The following PTRH1 variants were observed in gnomAD, a reference collection of about 807,000 sequenced individuals.
The protein encoded by PTRH1 is peptidyl-tRNA hydrolase 1 homolog, also known as peptidyl-tRNA hydrolase.
Under a neutral mutation model 15.7 loss-of-function variants are expected in PTRH1, and 13 were observed. That is an observed-to-expected ratio of 0.83 (90% CI 0.54 to 1.31). The LOEUF (loss-of-function observed/expected upper bound fraction) is 1.31, where lower values mean the gene tolerates loss of function less well. PTRH1 is among the 40% of genes most tolerant of loss of function. PTRH1 has a pLI of 0.00. For missense variants in PTRH1, 319 were observed against 296.2 expected, an observed-to-expected ratio of 1.08 and a Z score of -0.56; for synonymous variants, 139 against 136.7, an observed-to-expected ratio of 1.02 and a Z score of -0.12.
At chr9:127,704,129 G>A (rs1169393014) in intron 1 of PTRH1, among the ~76,000 whole-genome samples, 1 of 152,194 alleles carries the variant, frequency 6.6e-6, no homozygotes, top group Non-Finnish European at 1.5e-5. Context: ...GAGAAATGGT[G>A]TTTTTCTAAC....
In PTRH1 at chr9:127,705,777, C is replaced by T. The variant is rs187931197; in HGVS notation, c.205+9658G>A. Among the ~76,000 whole-genome samples the T allele has an allele frequency of 3.8e-4, 58 of 152,350 alleles. 1 individual carries two copies. The highest frequency in any genetic ancestry group is 2.7e-3 in the Admixed American group (42 of 15,310). Reference sequence around the variant, plus strand: ...GCTGGAAGGGCACTGGGCCAGGCCTCCCCGCTCTCCCCACAAGGCCTGGGC... The same window carrying T: ...GCTGGAAGGGCACTGGGCCAGGCCTTCCCGCTCTCCCCACAAGGCCTGGGC... On this transcript the variant is annotated intron_variant, in intron 1 of 2. Coordinates refer to the PTRH1 transcript ENST00000335223. This position sits in a 1 kb window ranked among gnomAD's most constrained non-coding sequence, Gnocchi z 4.7.
At chr9:127,712,143 T>G (rs1588394260), downstream of PTRH1, 1 of 1,591,964 alleles carries the variant, frequency 6.3e-7, no homozygotes, top group Non-Finnish European at 8.6e-7. Context: ...TGGCCCCAGG[T>G]GGCCCCAGTC....
intron 1 of PTRH1, chr9:127,707,300 C>T (rs2131582582): frequency 8.2e-7 from 1 of 1,215,680 alleles, no homozygotes; most frequent in South Asian, 1.5e-5. Context: ...TTCTGACCTC[C>T]CCTGGGATGT....
In PTRH1 at chr9:127,714,085, C is replaced by A; in HGVS notation, c.*15G>T. Reference sequence around the variant, plus strand: ...GTGGGCACTACAGTCAGGCAGGCAGCCATGGCCACTAGTGTCACGGCCCCA... The same window carrying A: ...GTGGGCACTACAGTCAGGCAGGCAGACATGGCCACTAGTGTCACGGCCCCA... On this transcript the variant is annotated 3_prime_UTR_variant, in exon 5 of 5. Coordinates refer to ENST00000543175, the MANE Select transcript of PTRH1 (RefSeq NM_001002913.3). 1 of 1,609,314 alleles carries A rather than the reference C, an allele frequency of 6.2e-7. No individual in the cohort carries two copies. The highest frequency in any genetic ancestry group is 8.5e-7 in the Non-Finnish European group (1 of 1,178,114).
At chr9:127,712,444 G>A, downstream of PTRH1, 1 of 1,519,864 alleles carries the variant, frequency 6.6e-7, no homozygotes. Flanking sequence ...AGGATCAGAG[G>A]CCCCTCTTTT....
rs746828810 is a variant in PTRH1 at position 127,714,089 on chromosome 9, G to A, written c.*11C>T. On this transcript the variant is annotated 3_prime_UTR_variant, in exon 5 of 5. Coordinates refer to ENST00000543175, the MANE Select transcript of PTRH1 (RefSeq NM_001002913.3). ...GCACTACAGTCAGGCAGGCAGCCAT[G>A]GCCACTAGTGTCACGGCCCCAGTGA... 1.2e-6 allele frequency: 2 copies of A among 1,610,354 alleles called. No individual in the cohort carries two copies. The highest frequency in any genetic ancestry group is 2.7e-5 in the African/African-American group (2 of 74,880).
downstream of PTRH1, chr9:127,712,285 A>C (rs1190964092): frequency 3.1e-6 from 5 of 1,613,930 alleles, no homozygotes; most frequent in African/African-American, 4.0e-5. Context: ...AATGAGCAGA[A>C]GGTTCGGGCC....
At chr9:127,697,490 T>C (rs1181631142) in intron 1 of PTRH1, among the ~76,000 whole-genome samples, 1 of 151,748 alleles carries the variant, frequency 6.6e-6, no homozygotes, top group African/African-American at 2.4e-5. Flanking sequence ...TAAAACCCCA[T>C]CTCTACAAAA....
chr9:127,715,310 A>T lies in PTRH1; in HGVS notation c.97-116T>A. ...AACGCAGAGCAACGCTGCAGTGGGG[A>T]AGGGGCGCGAAGAAGGGGCCCAGAA... is the stretch of plus-strand genomic sequence containing the variant. On this transcript the variant is annotated intron_variant, in intron 1 of 4. Transcript: ENST00000543175. This position sits in a 1 kb window ranked among gnomAD's most constrained non-coding sequence, Gnocchi z 5.8. 1 of 1,323,120 alleles carries T rather than the reference A, an allele frequency of 7.6e-7. No homozygotes were observed. The highest frequency in any genetic ancestry group is 1.0e-6 in the Non-Finnish European group (1 of 952,588). 82.0% of individuals were successfully genotyped at this position (1,323,120 alleles called of 1,614,324 possible). A position where few individuals can be genotyped will look rare whatever the true frequency, so the allele number is the denominator to read the frequency against.
At chr9:127,709,821 C>T, downstream of PTRH1, 1 of 1,069,882 alleles carries the variant, frequency 9.3e-7, no homozygotes, top group Non-Finnish European at 1.3e-6. The surrounding 1 kb of genome is among the most constrained non-coding windows in gnomAD (Gnocchi z 4.7). Flanking sequence ...CCTTAATTGT[C>T]CCAGCAATCC....
At chr9:127,713,090 C>A, downstream of PTRH1, 1 of 1,613,674 alleles carries the variant, frequency 6.2e-7, no homozygotes, top group Non-Finnish European at 8.5e-7. Context: ...CCCCTACCAG[C>A]CGGGGGATCT....
At position 127,714,698 on chromosome 9, in the gene PTRH1, C is replaced by G; in HGVS notation, c.321G>C (p.Glu107Asp). The G allele has an allele frequency of 6.2e-7, 1 of 1,611,126 alleles. No individual in the cohort carries two copies. The highest frequency in any genetic ancestry group is 1.1e-5 in the South Asian group (1 of 90,514). ...ANGRSVARAA[E>D]LFGLTAEEVY... ...CTTCCTCGGCAGTCAGCCCAAACAG[C>G]TCCGCTTAGCACAGGGAAACGGCAG... The change falls in exon 3 of 5, where the codon GAG becomes GAC. Residue 107 changes from glutamate (E) to aspartate (D), a missense_variant. By Grantham distance (45) the Glu-to-Asp change is conservative. Transcript: ENST00000543175.
chr9:127,712,785 T>C, downstream of PTRH1: 3 of 1,614,188 alleles, frequency 1.9e-6, no homozygotes, highest in Non-Finnish European at 2.5e-6. Flanking sequence ...CAGCAACTGC[T>C]GGTCATGCTC....
intron 1 of PTRH1, among the ~76,000 whole-genome samples, chr9:127,699,399 C>T (rs1842587101): frequency 6.6e-6 from 1 of 152,236 alleles, no homozygotes; most frequent in Non-Finnish European, 1.5e-5. Flanking sequence ...GCGGATCAGA[C>T]GCGGCCTCGG....
downstream of PTRH1, chr9:127,712,750 C>T (rs778747226): frequency 6.2e-7 from 1 of 1,614,214 alleles, no homozygotes; most frequent in Non-Finnish European, 8.5e-7. Context: ...ACGTGACGTT[C>T]CAGCCATGGC....
chr9:127,710,572 C>G (rs1474662464), downstream of PTRH1: 1 of 1,563,420 alleles, frequency 6.4e-7, no homozygotes. Context: ...GGCAGCCCAT[C>G]ATTGGGCCTT....
chr9:127,713,819 T>A lies in PTRH1; in HGVS notation c.*281A>T. 1 of 1,613,074 alleles carries A rather than the reference T, an allele frequency of 6.2e-7. No homozygotes were observed. The highest frequency in any genetic ancestry group is 8.5e-7 in the Non-Finnish European group (1 of 1,179,378). Reference sequence around the variant, plus strand: ...ACTGCACCCGGCCTCCAAGCCAGCATCTTTAATCTTACAGATGCGTGCCCC... The same window carrying A: ...ACTGCACCCGGCCTCCAAGCCAGCAACTTTAATCTTACAGATGCGTGCCCC... On this transcript the variant is annotated 3_prime_UTR_variant, in exon 5 of 5. Transcript: ENST00000543175.
In PTRH1 at chr9:127,694,973, TG is replaced by T; in HGVS notation, c.373del (p.His125ThrfsTer14). On this transcript the variant is annotated frameshift_variant, in exon 2 of 3. Transcript: ENST00000335223. LOFTEE classifies it low-confidence loss of function (END_TRUNC). Reference sequence around the variant, plus strand: ...CCTCTTTCCACATGATCCTGACAGGTGACTTTGTTCCCTCCTGTAGTGCCCG... The same window carrying T: ...CCTCTTTCCACATGATCCTGACAGGTACTTTGTTCCCTCCTGTAGTGCCCG... 1.4e-6 allele frequency: 1 copy of T among 702,504 alleles called. No homozygotes were observed. The highest frequency in any genetic ancestry group is 2.6e-6 in the Non-Finnish European group (1 of 384,778). 43.5% of individuals were successfully genotyped at this position (702,504 alleles called of 1,614,324 possible).
rs1372770244 is a variant in PTRH1, at chr9:127,715,357, G to T, written c.97-163C>A. 5 of 1,237,658 alleles carry T rather than the reference G, an allele frequency of 4.0e-6. No homozygotes were observed. Among genetic ancestry groups the T allele is most frequent in the Non-Finnish European group, 5.7e-6 (5 of 873,176 alleles). The allele number at this position is 1,237,658 out of a possible 1,614,324, so 76.7% of individuals were successfully genotyped here. A position where few individuals can be genotyped will look rare whatever the true frequency, so the allele number is the denominator to read the frequency against. On this transcript the variant is annotated intron_variant, in intron 1 of 4. Coordinates refer to ENST00000543175, the MANE Select transcript of PTRH1 (RefSeq NM_001002913.3). This position sits in a 1 kb window ranked among gnomAD's most constrained non-coding sequence, Gnocchi z 5.8. ...AGAAACCCGACCCCTGAGAACTCCAGAAGGCTGGGCAGGCAGGGCGCCCTA... is the reference window on the plus strand; with the variant it reads ...AGAAACCCGACCCCTGAGAACTCCATAAGGCTGGGCAGGCAGGGCGCCCTA...
Sources: allele counts gnomAD v4.1 joint callset (sites outside exome capture counted in the v4.1 genomes callset), GRCh38; gene constraint gnomAD v4.1.1; non-coding constraint Gnocchi (gnomAD v3.1); transcripts MANE v1.5; gene names NCBI Gene and HGNC (gene_info 2026-07-23, HGNC 2026-07-21).